LRBA: variants seen among roughly 807,000 people sequenced by gnomAD.
The protein encoded by LRBA is lipopolysaccharide-responsive and beige-like anchor protein.
Under a neutral mutation model 330.0 loss-of-function variants are expected in LRBA, and 176 were observed. That is an observed-to-expected ratio of 0.53 (90% CI 0.47 to 0.60). The LOEUF is 0.60. Ranked by LOEUF, LRBA falls within the 20% of genes least tolerant of loss-of-function variation. The pLI is 0.00. For synonymous variants in LRBA, 1,230 were observed against 1,193.0 expected (o/e 1.03, Z -0.64); for missense variants, 3,259 against 3,444.8 (o/e 0.95, Z 1.35).
chr4:150,321,254 G>T lies in LRBA; in HGVS notation c.7567C>A (p.Pro2523Thr). 1 of 1,612,494 alleles carries T rather than the reference G, an allele frequency of 6.2e-7. No individual in the cohort carries two copies. The highest frequency in any genetic ancestry group is 1.1e-5 in the South Asian group (1 of 90,732). Residue 2523 changes from proline to threonine, a missense_variant, in exon 50 of 57, where the codon CCC (proline) becomes ACC (threonine). Pro to Thr is a conservative substitution (Grantham distance 38, BLOSUM62 -1). Transcript: ENST00000651943. This position sits in a 1 kb window ranked among gnomAD's most constrained non-coding sequence, Gnocchi z 4.5. Reference sequence around the variant, plus strand: ...TTAGCAGTGACTGTGATCACAGCGGGAGTTGCCAAACCAGGCTGGGTGTTG... The same window carrying T: ...TTAGCAGTGACTGTGATCACAGCGGTAGTTGCCAAACCAGGCTGGGTGTTG... ...AANTQPGLAT[P>T]AVITVTANRL...
At chr4:150,355,754 A>G (rs906254867) in intron 47 of LRBA, among the ~76,000 whole-genome samples, 3 of 152,102 alleles carry the variant, frequency 2.0e-5, no homozygotes, top group Non-Finnish European at 2.9e-5. Flanking sequence ...TAATGAATGA[A>G]ACATCCATTT....
intron 47 of LRBA, among the ~76,000 whole-genome samples, chr4:150,364,231 C>T (rs1353250891): frequency 6.6e-6 from 1 of 152,206 alleles, no homozygotes; most frequent in Non-Finnish European, 1.5e-5. Flanking sequence ...TCCAACTAAA[C>T]AACCACCACC....
intron 34 of LRBA, among the ~76,000 whole-genome samples, chr4:150,768,154 G>A (rs1736039368): frequency 6.6e-6 from 1 of 151,636 alleles, no homozygotes; most frequent in African/African-American, 2.4e-5. Context: ...GAATAAAGAG[G>A]GGGCAACAGT....
intron 8 of LRBA, among the ~76,000 whole-genome samples, chr4:150,915,204 A>G (rs1373439654): frequency 6.6e-6 from 1 of 152,146 alleles, no homozygotes; most frequent in Non-Finnish European, 1.5e-5. Context: ...CTATAGATTT[A>G]TTTTTGAAAC....
intron 36 of LRBA, among the ~76,000 whole-genome samples, chr4:150,734,803 T>C (rs1730975920): frequency 6.6e-6 from 1 of 152,146 alleles, no homozygotes; most frequent in Non-Finnish European, 1.5e-5. Flanking sequence ...CAGCTACAAA[T>C]ACTGTTACGC....
chr4:150,981,738 A>C (rs1242891825), intron 2 of LRBA, among the ~76,000 whole-genome samples: 1 of 152,122 alleles, frequency 6.6e-6, no homozygotes, highest in Non-Finnish European at 1.5e-5. Context: ...AGGCAGGTGG[A>C]TCACGAGGTC....
chr4:150,771,233 G>A (rs995529234), intron 34 of LRBA, among the ~76,000 whole-genome samples: 4 of 152,144 alleles, frequency 2.6e-5, no homozygotes, highest in African/African-American at 7.2e-5. Flanking sequence ...TCTACCTGTT[G>A]ATTCCTGGAC....
intron 47 of LRBA, among the ~76,000 whole-genome samples, chr4:150,403,820 A>C (rs146796605): frequency 1.4e-3 from 219 of 152,094 alleles, no homozygotes; most frequent in African/African-American, 5.1e-3. Context: ...TCAGGAGTTT[A>C]AGGAGTTTGA....
chr4:150,724,177 G>A lies in LRBA; in HGVS notation c.5754+11081C>T, dbSNP rs191745781. On this transcript the variant is annotated intron_variant, in intron 36 of 56. Transcript: ENST00000651943. ...CTGGGGCAAGACCTAGTGCTGTGCA[G>A]GTTTCAGGTCTAACCCAGTGCAGCC... 2.6e-5 allele frequency among the ~76,000 whole-genome samples: 4 copies of A among 152,320 alleles called. No individual in the cohort carries two copies. The East Asian group carries it at 5.8e-4, about 22-fold the overall frequency.
chr4:150,665,400 A>C (rs529780093), intron 37 of LRBA, among the ~76,000 whole-genome samples: 2 of 151,994 alleles, frequency 1.3e-5, no homozygotes, highest in East Asian at 3.9e-4. Flanking sequence ...TTACTATTCA[A>C]ATTCCCAGAT....
intron 46 of LRBA, 143 bp from the exon 47 acceptor site, chr4:150,415,733 T>G: frequency 1.8e-6 from 1 of 566,388 alleles, no homozygotes; most frequent in East Asian, 2.9e-5. Context: ...ATCATAGCCC[T>G]GTCACAGTTT....
At chr4:150,773,311 T>C (rs1454122280) in intron 34 of LRBA, among the ~76,000 whole-genome samples, 2 of 152,242 alleles carry the variant, frequency 1.3e-5, no homozygotes, top group Non-Finnish European at 2.9e-5. Flanking sequence ...TAAGGGACAC[T>C]GCTAGCCTTG....
At chr4:150,409,127 A>G (rs1284421870) in intron 47 of LRBA, among the ~76,000 whole-genome samples, 2 of 152,070 alleles carry the variant, frequency 1.3e-5, no homozygotes, top group Non-Finnish European at 2.9e-5. Context: ...TGGTGTCCTT[A>G]TTAAAAGGAA....
intron 34 of LRBA, among the ~76,000 whole-genome samples, chr4:150,767,678 A>G (rs1735948660): frequency 6.6e-6 from 1 of 151,172 alleles, no homozygotes; most frequent in Admixed American, 6.6e-5. Context: ...GAATGGCGTG[A>G]ACCCGGGAGG....
In LRBA at chr4:150,669,340, T is replaced by C. The variant is rs147685935; in HGVS notation, c.5921+14211A>G. Among the ~76,000 whole-genome samples the C allele has an allele frequency of 6.6e-5, 10 of 152,310 alleles. No homozygotes were observed. The East Asian group carries it at 1.7e-3, about 26-fold the overall frequency. Reference sequence around the variant, plus strand: ...AAAAGTTTACAGTGATACAATACTATTAACTAATCTTCAGAGTACATTTGA... The same window carrying C: ...AAAAGTTTACAGTGATACAATACTACTAACTAATCTTCAGAGTACATTTGA... On this transcript the variant is annotated intron_variant, in intron 37 of 56. Transcript: ENST00000651943.
intron 40 of LRBA, chr4:150,581,524 C>T (rs764961518): frequency 1.3e-5 from 3 of 239,306 alleles, no homozygotes; most frequent in African/African-American, 4.7e-5. Context: ...CCTTCTACTA[C>T]ACAATGTTGA....
At chr4:150,502,319 A>G (rs963453573) in intron 40 of LRBA, among the ~76,000 whole-genome samples, 1 of 152,208 alleles carries the variant, frequency 6.6e-6, no homozygotes, top group South Asian at 2.1e-4. Context: ...CTCCCTAAAA[A>G]TCTTAAAACC....
intron 47 of LRBA, among the ~76,000 whole-genome samples, chr4:150,368,222 G>A (rs1739766415): frequency 6.6e-6 from 1 of 151,898 alleles, no homozygotes; most frequent in African/African-American, 2.4e-5. Context: ...TTTACCTTCG[G>A]AGAAAACTAC....
Position 150,921,240 on chromosome 4 carries a change from A to G in LRBA, c.603T>C (p.Tyr201=), listed in dbSNP as rs917454286. Reference sequence around the variant, plus strand: ...GAAAGTTAAAAAAGGCATCAGGACCATACTTCTGAGGCATATGCTTTAACA... The same window carrying G: ...GAAAGTTAAAAAAGGCATCAGGACCGTACTTCTGAGGCATATGCTTTAACA... ...LSVLKHMPQK[Y]GPDAFFNFPG... Residue 201 remains tyrosine (Y), a synonymous_variant, in exon 5 of 57, where the codon TAT becomes TAC. Transcript: ENST00000651943. 5 of 1,613,680 alleles carry G rather than the reference A, an allele frequency of 3.1e-6. No individual in the cohort carries two copies. Among genetic ancestry groups the G allele is most frequent in the African/African-American group, 1.3e-5 (1 of 75,054 alleles).
Sources: allele counts gnomAD v4.1 joint callset (sites outside exome capture counted in the v4.1 genomes callset), GRCh38; gene constraint gnomAD v4.1.1; non-coding constraint Gnocchi (gnomAD v3.1); transcripts MANE v1.5; gene names NCBI Gene and HGNC (gene_info 2026-07-23, HGNC 2026-07-21).